FRMD4A: variants seen among roughly 807,000 people sequenced by gnomAD.
FRMD4A encodes FERM domain-containing protein 4A.
Under a neutral mutation model 129.1 loss-of-function variants are expected in FRMD4A, and 29 were observed. That is an observed-to-expected ratio of 0.22 (90% CI 0.17 to 0.31). The LOEUF (loss-of-function observed/expected upper bound fraction) is 0.31, where lower values mean the gene tolerates loss of function less well. Ranked by LOEUF, FRMD4A falls within the 10% of genes least tolerant of loss-of-function variation. The pLI, the probability that FRMD4A is intolerant of heterozygous loss-of-function variation, is 1.00. For missense variants in FRMD4A, 1,272 were observed against 1,375.8 expected, an observed-to-expected ratio of 0.92 and a Z score of 1.19; for synonymous variants, 634 against 571.6, an observed-to-expected ratio of 1.11 and a Z score of -1.56.
At chr10:14,194,302 G>T (rs771685745) in intron 2 of FRMD4A, among the ~76,000 whole-genome samples, 2 of 152,084 alleles carry the variant, frequency 1.3e-5, no homozygotes, top group East Asian at 3.9e-4. Context: ...GGCATTGTGG[G>T]GAAAGGGTAT....
intron 2 of FRMD4A, among the ~76,000 whole-genome samples, chr10:13,976,801 C>T (rs1221238661): frequency 2.0e-5 from 3 of 152,200 alleles, no homozygotes; most frequent in Non-Finnish European, 4.4e-5. Flanking sequence ...TTATTTATTG[C>T]TATCTGTTTG....
chr10:13,798,870 T>A (rs1037583568), intron 4 of FRMD4A, among the ~76,000 whole-genome samples: 1 of 152,238 alleles, frequency 6.6e-6, no homozygotes, highest in Non-Finnish European at 1.5e-5. Context: ...TGCCTGATAA[T>A]GCCCCACAGG....
At chr10:14,248,633 AGGAG>A (rs531493620) in intron 2 of FRMD4A, among the ~76,000 whole-genome samples, 41,414 of 152,106 alleles carry the variant, frequency 0.27, 5,750 homozygotes, top group Middle Eastern at 0.34. Context: ...GTGTATATCA[AGGAG>A]TTCTACAATA....
chr10:14,017,022 G>A (rs529489416), intron 2 of FRMD4A, among the ~76,000 whole-genome samples: 50 of 152,286 alleles, frequency 3.3e-4, no homozygotes, highest in Non-Finnish European at 5.4e-4. Context: ...TTCACATCTG[G>A]TCTTGATATG....
At chr10:14,268,934 G>A (rs2132043625) in intron 2 of FRMD4A, among the ~76,000 whole-genome samples, 1 of 152,340 alleles carries the variant, frequency 6.6e-6, no homozygotes, top group South Asian at 2.1e-4. Context: ...CAACAATTGG[G>A]TAATGATTAC....
intron 2 of FRMD4A, among the ~76,000 whole-genome samples, chr10:14,127,228 C>T (rs558430784): frequency 5.8e-4 from 88 of 152,268 alleles, no homozygotes; most frequent in Admixed American, 1.6e-3. Flanking sequence ...GAAGCTGGCC[C>T]GTGAGGAGGG....
At chr10:13,996,195 C>G (rs1431088981) in intron 2 of FRMD4A, among the ~76,000 whole-genome samples, 1 of 152,164 alleles carries the variant, frequency 6.6e-6, no homozygotes, top group Non-Finnish European at 1.5e-5. Flanking sequence ...CTCTTAATGC[C>G]ATTACTTTAG....
At chr10:14,108,363 A>G (rs998385913) in intron 2 of FRMD4A, among the ~76,000 whole-genome samples, 3 of 152,216 alleles carry the variant, frequency 2.0e-5, no homozygotes, top group African/African-American at 7.2e-5. Context: ...GGGGGCACTG[A>G]TCACCAAATC....
In FRMD4A at chr10:13,919,960, C is replaced by T. The variant is rs144006539; in HGVS notation, c.46-61048G>A. ...CTCAAAAAACAAACAAACAAACAAA[C>T]ACACAAACAAACTAACACAATTGCA... On this transcript the variant is annotated intron_variant, in intron 2 of 24. Transcript: ENST00000357447. Among the ~76,000 whole-genome samples the T allele has an allele frequency of 7.2e-3, 1,094 of 152,140 alleles. 5 individuals carry two copies. The highest frequency in any genetic ancestry group is 0.013 in the Admixed American group (196 of 15,262).
chr10:13,866,319 G>T, intron 2 of FRMD4A: 1 of 971,286 alleles, frequency 1.0e-6, no homozygotes, highest in African/African-American at 1.8e-5. Context: ...CCCTGAGGAT[G>T]TCGGATGCGG....
chr10:13,821,222 C>T lies in FRMD4A; in HGVS notation c.112-10314G>A, dbSNP rs1360857112. 6.6e-6 allele frequency among the ~76,000 whole-genome samples: 1 copy of T among 152,150 alleles called. No homozygotes were observed. Among genetic ancestry groups the T allele is most frequent in the Non-Finnish European group, 1.5e-5 (1 of 68,014 alleles). The stretch of plus-strand genomic sequence containing the variant: ...GGCGACTCCCCTCCTTGTCGCCCTG[C>T]TGCTTAGCTGGGAAGGCTGGTTTCC... On this transcript the variant is annotated intron_variant, in intron 3 of 24. Transcript: ENST00000357447. This position sits in a 1 kb window ranked among gnomAD's most constrained non-coding sequence, Gnocchi z 4.3.
chr10:13,814,496 G>T (rs2093502292), intron 3 of FRMD4A, among the ~76,000 whole-genome samples: 1 of 140,386 alleles, frequency 7.1e-6, no homozygotes, highest in African/African-American at 2.6e-5. Flanking sequence ...CCGGAGGATT[G>T]CTTGAGTCCA....
intron 6 of FRMD4A, among the ~76,000 whole-genome samples, chr10:13,767,925 C>T (rs575538020): frequency 3.3e-5 from 5 of 152,086 alleles, no homozygotes; most frequent in Admixed American, 6.6e-5. Context: ...AAGCCCAGGG[C>T]GATGCTGGCA....
chr10:13,808,018 C>T (rs531402592), intron 4 of FRMD4A, among the ~76,000 whole-genome samples: 4 of 152,142 alleles, frequency 2.6e-5, no homozygotes, highest in South Asian at 2.1e-4. Context: ...AGGCTGGTCT[C>T]GAACTCCTGA....
chr10:14,223,530 C>T (rs1843330945), intron 2 of FRMD4A, among the ~76,000 whole-genome samples: 1 of 151,976 alleles, frequency 6.6e-6, no homozygotes, highest in African/African-American at 2.4e-5. Flanking sequence ...TCACTTGAGC[C>T]AAGAGTTTGA....
At chr10:13,912,029 C>T (rs1188980085) in intron 2 of FRMD4A, among the ~76,000 whole-genome samples, 3 of 152,188 alleles carry the variant, frequency 2.0e-5, no homozygotes, top group African/African-American at 4.8e-5. Flanking sequence ...CAGCTTTCTT[C>T]CCTTTTCTTT....
At chr10:13,853,850 A>T (rs2094175368) in intron 3 of FRMD4A, among the ~76,000 whole-genome samples, 1 of 151,480 alleles carries the variant, frequency 6.6e-6, no homozygotes, top group African/African-American at 2.4e-5. Context: ...AAAAAAAAAA[A>T]AAACCCAAAA....
chr10:14,284,647 C>G (rs1179533383), intron 2 of FRMD4A, among the ~76,000 whole-genome samples: 1 of 152,082 alleles, frequency 6.6e-6, no homozygotes, highest in African/African-American at 2.4e-5. Flanking sequence ...AGGGAAACTC[C>G]GTCTCAAACA....
intron 2 of FRMD4A, among the ~76,000 whole-genome samples, chr10:14,222,442 A>G (rs1037352893): frequency 2.0e-5 from 3 of 152,338 alleles, no homozygotes; most frequent in East Asian, 3.9e-4. Flanking sequence ...CCCAATCATC[A>G]GAATCATCTT....
Sources: gnomAD v4.1 joint callset for allele counts (sites outside exome capture counted in the v4.1 genomes callset) on GRCh38, gnomAD v4.1.1 for gene constraint, Gnocchi (gnomAD v3.1) non-coding constraint, MANE v1.5 for transcripts, NCBI Gene and HGNC (gene_info 2026-07-23, HGNC 2026-07-21) for gene names.